ANKRD44: variants seen among roughly 807,000 people sequenced by gnomAD.
ANKRD44 encodes the protein ankyrin repeat domain 44, also known as serine/threonine-protein phosphatase 6 regulatory ankyrin repeat subunit B.
In ANKRD44, 35 loss-of-function variants were observed where a neutral mutation model predicts 116.0. The observed-to-expected ratio is 0.30, with a 90% confidence interval of 0.23 to 0.40. The LOEUF is 0.40. Among genes scored for constraint, ANKRD44 ranks in the 10% least tolerant of loss-of-function variants. The pLI is 1.00. For missense variants in ANKRD44, 1,014 were observed against 1,242.6 expected (o/e 0.82, Z 2.77); for synonymous variants, 435 against 461.8 (o/e 0.94, Z 0.74).
chr2:197,109,258 G>A (rs2078510095), intron 9 of ANKRD44, among the ~76,000 whole-genome samples: 2 of 152,170 alleles, frequency 1.3e-5, no homozygotes, highest in African/African-American at 2.4e-5. Context: ...AGACGTGCTC[G>A]AAAGAGACTA....
intron 18 of ANKRD44, among the ~76,000 whole-genome samples, chr2:197,012,788 A>T (rs2076322935): frequency 6.6e-6 from 1 of 152,244 alleles, no homozygotes. Flanking sequence ...ACAGTTATTT[A>T]TCGTTACAAA....
At chr2:197,300,605 G>A (rs2083873423) in intron 1 of ANKRD44, among the ~76,000 whole-genome samples, 1 of 152,074 alleles carries the variant, frequency 6.6e-6, no homozygotes, top group Admixed American at 6.6e-5. Context: ...GAGCTCCATG[G>A]GGAAAAAGGC....
intron 1 of ANKRD44, among the ~76,000 whole-genome samples, chr2:197,187,597 C>A (rs1006945863): frequency 6.6e-6 from 1 of 151,792 alleles, no homozygotes; most frequent in Non-Finnish European, 1.5e-5. Flanking sequence ...CCAATAGGAC[C>A]GGTGTCTTCA....
At chr2:197,090,164 G>T (rs1015609348) in intron 10 of ANKRD44, 132 bp from the exon 11 acceptor site, 4 of 637,140 alleles carry the variant, frequency 6.3e-6, no homozygotes, top group African/African-American at 5.6e-5. Flanking sequence ...GAAATAATTT[G>T]GTAATTCTTC....
intron 1 of ANKRD44, among the ~76,000 whole-genome samples, chr2:197,248,627 A>G (rs887007168): frequency 2.0e-5 from 3 of 150,510 alleles, no homozygotes; most frequent in Non-Finnish European, 4.4e-5. Flanking sequence ...AGAAAGACAT[A>G]GAGACATAGA....
At chr2:197,221,366 C>T (rs907611890) in intron 1 of ANKRD44, among the ~76,000 whole-genome samples, 2 of 152,010 alleles carry the variant, frequency 1.3e-5, no homozygotes, top group African/African-American at 4.8e-5. Context: ...TAGCCTCAAA[C>T]TCCTGGACAC....
rs2076091778 is a variant in ANKRD44, at chr2:197,000,320, A to G, written c.2519+99T>C. The G allele has an allele frequency of 4.4e-6, 4 of 899,628 alleles. No homozygotes were observed. The Admixed American group carries it at 8.9e-5, about 20-fold the overall frequency. The allele number at this position is 899,628 out of a possible 1,614,324, so 55.7% of individuals were successfully genotyped here. A position where few individuals can be genotyped will look rare whatever the true frequency, so the allele number is the denominator to read the frequency against. ...ATATTAAAAACCATGCTTATCCATTATTCTTTCAATTAAAAACATAGATGT... is the reference window on the plus strand; with the variant it reads ...ATATTAAAAACCATGCTTATCCATTGTTCTTTCAATTAAAAACATAGATGT... On this transcript the variant is annotated intron_variant, in intron 23 of 27. Transcript: ENST00000282272.
intron 21 of ANKRD44, among the ~76,000 whole-genome samples, chr2:197,005,025 T>A (rs1444069164): frequency 6.6e-6 from 1 of 152,146 alleles, no homozygotes; most frequent in Non-Finnish European, 1.5e-5. Context: ...ATTTGTTCTA[T>A]AATTCCAGTT....
At chr2:197,105,175 G>A (rs1559066191) in intron 9 of ANKRD44, among the ~76,000 whole-genome samples, 1 of 152,042 alleles carries the variant, frequency 6.6e-6, no homozygotes, top group Non-Finnish European at 1.5e-5. Flanking sequence ...GTTCAGTGGT[G>A]TAATCTCGGC....
At position 197,147,109 on chromosome 2, in the gene ANKRD44, A is replaced by G; in HGVS notation, c.112-4T>C. 6.2e-7 allele frequency: 1 copy of G among 1,613,646 alleles called. No homozygotes were observed. The highest frequency in any genetic ancestry group is 8.5e-7 in the Non-Finnish European group (1 of 1,179,598). ...GAGGGGTTCGTTTCTCAGAATCCTG[A>G]AATACACAACGTCAAAGACATACAA... On this transcript the variant is annotated splice_polypyrimidine_tract_variant and splice_region_variant and intron_variant, in intron 2 of 27. Transcript: ENST00000282272.
At chr2:197,231,958 C>A (rs2081874111) in intron 1 of ANKRD44, among the ~76,000 whole-genome samples, 1 of 152,166 alleles carries the variant, frequency 6.6e-6, no homozygotes. Context: ...GCACATAATA[C>A]ATGTCGAATA....
intron 1 of ANKRD44, chr2:197,199,325 A>G (rs1208325202): frequency 6.6e-6 from 1 of 152,254 alleles, no homozygotes; most frequent in Non-Finnish European, 1.5e-5. Context: ...AGTCAGGGAT[A>G]AAACTTACTT....
chr2:196,984,267 CTATAAA>C (rs1221766741), downstream of ANKRD44, among the ~76,000 whole-genome samples: 1 of 152,132 alleles, frequency 6.6e-6, no homozygotes, highest in Admixed American at 6.5e-5. Flanking sequence ...GCGCTTGGAA[CTATAAA>C]TACTCTAGTA....
chr2:197,273,977 AAAAATATATAT>A (rs2082984023), intron 1 of ANKRD44, among the ~76,000 whole-genome samples: 1 of 51,312 alleles, frequency 1.9e-5, no homozygotes, highest in Non-Finnish European at 3.6e-5. Context: ...AAAAAAAAAA[AAAAATATATAT>A]ATATATATAT....
rs868506851 is a variant in ANKRD44 at position 197,105,121 on chromosome 2, G to T, written c.986-5191C>A. 1.3e-4 allele frequency among the ~76,000 whole-genome samples: 19 copies of T among 150,982 alleles called. No individual in the cohort carries two copies. In the South Asian group the frequency reaches 1.7e-3, roughly 13 times the overall value. ...GTTCTTTTGTTGTTGTTATTTTGGGGTTTTTTTTTGAGATGGACTCTCGCT... is the reference window on the plus strand; with the variant it reads ...GTTCTTTTGTTGTTGTTATTTTGGGTTTTTTTTTTGAGATGGACTCTCGCT... On this transcript the variant is annotated intron_variant, in intron 9 of 27. Coordinates refer to ENST00000282272, the MANE Select transcript of ANKRD44 (RefSeq NM_001195144.2).
chr2:197,044,172 T>C lies in ANKRD44; in HGVS notation c.1651-18905A>G, dbSNP rs186401581. ...TGGAATACTTCTCTGTATGTTATCA[T>C]AGTCAAAAGATGTTTTTCAGAATTT... On this transcript the variant is annotated intron_variant, in intron 16 of 27. Transcript: ENST00000282272. Among the ~76,000 whole-genome samples the C allele has an allele frequency of 2.2e-3, 340 of 152,370 alleles. 3 individuals are homozygous for C. Among genetic ancestry groups the C allele is most frequent in the African/African-American group, 7.7e-3 (322 of 41,590 alleles).
chr2:197,106,516 G>A (rs980593235), intron 9 of ANKRD44, among the ~76,000 whole-genome samples: 5 of 151,354 alleles, frequency 3.3e-5, no homozygotes, highest in African/African-American at 1.2e-4. Flanking sequence ...GAGGCCAGTC[G>A]CAGTGGCTCA....
At chr2:196,999,114 C>T (rs1294474090) in intron 23 of ANKRD44, 62 bp from the exon 24 acceptor site, 3 of 1,578,816 alleles carry the variant, frequency 1.9e-6, no homozygotes, top group Non-Finnish European at 2.6e-6. Context: ...CTAGTTACTG[C>T]CCAAGAAACA....
chr2:197,206,372 T>C (rs1430461743), intron 1 of ANKRD44, among the ~76,000 whole-genome samples: 1 of 152,162 alleles, frequency 6.6e-6, no homozygotes, highest in Non-Finnish European at 1.5e-5. Context: ...AAAAGATGTT[T>C]AGGGAAGTAA....
Sources: gnomAD v4.1 joint callset for allele counts (sites outside exome capture counted in the v4.1 genomes callset) on GRCh38, gnomAD v4.1.1 for gene constraint, MANE v1.5 for transcripts, NCBI Gene and HGNC (gene_info 2026-07-23, HGNC 2026-07-21) for gene names.